The following TMTC2 variants were observed in gnomAD, a reference collection of about 807,000 sequenced individuals.
TMTC2 encodes the protein protein O-mannosyl-transferase TMTC2.
A neutral mutation model predicts 82.4 loss-of-function variants in TMTC2; 43 were observed. That is an observed-to-expected ratio of 0.52 (90% CI 0.41 to 0.67). The LOEUF (loss-of-function observed/expected upper bound fraction) is 0.67. Among genes scored for constraint, TMTC2 ranks in the 30% least tolerant of loss-of-function variants. The pLI, the probability that TMTC2 is intolerant of heterozygous loss-of-function variation, is 0.00. For synonymous variants in TMTC2, 408 were observed against 381.9 expected, an observed-to-expected ratio of 1.07 and a Z score of -0.80; for missense variants, 919 against 1,012.4, an observed-to-expected ratio of 0.91 and a Z score of 1.25.
chr12:82,698,523 G>A (rs1312877390), intron 1 of TMTC2, among the ~76,000 whole-genome samples: 1 of 152,144 alleles, frequency 6.6e-6, no homozygotes, highest in Non-Finnish European at 1.5e-5. Flanking sequence ...GTTGATCACT[G>A]TACATTAAGT....
At position 82,694,368 on chromosome 12, in the gene TMTC2, G is replaced by A. The variant is rs552547301; in HGVS notation, c.83+6699G>A. On this transcript the variant is annotated intron_variant, in intron 1 of 11. Transcript: ENST00000321196. ...TGGATTTAGATTCCATTTTATTGTG[G>A]AATTAAATGGAATTAAAGATATATT... 2.2e-4 allele frequency among the ~76,000 whole-genome samples: 34 copies of A among 152,230 alleles called. No individual in the cohort carries two copies. The South Asian group carries it at 3.3e-3, about 15-fold the overall frequency.
intron 1 of TMTC2, among the ~76,000 whole-genome samples, chr12:82,696,687 A>G (rs1872804771): frequency 6.6e-6 from 1 of 152,142 alleles, no homozygotes; most frequent in Non-Finnish European, 1.5e-5. Flanking sequence ...GTATGTCATC[A>G]GGATAAATAG....
At chr12:82,690,901 C>T (rs186645875) in intron 1 of TMTC2, among the ~76,000 whole-genome samples, 11 of 150,162 alleles carry the variant, frequency 7.3e-5, no homozygotes, top group Non-Finnish European at 1.2e-4. Context: ...TGCATTCTTA[C>T]GCATTTGTTG....
At chr12:82,997,221 C>CTCTCTCTCTCTATATA (rs1451262969) in intron 8 of TMTC2, among the ~76,000 whole-genome samples, 1 of 118,512 alleles carries the variant, frequency 8.4e-6, no homozygotes, top group African/African-American at 3.7e-5. Flanking sequence ...CTCTCTCTCT[C>CTCTCTCTCTCTATATA]TATATATATA....
At chr12:83,034,476 T>C (rs1306470281) in intron 9 of TMTC2, among the ~76,000 whole-genome samples, 1 of 152,118 alleles carries the variant, frequency 6.6e-6, no homozygotes, top group African/African-American at 2.4e-5. Context: ...GAGACTGAGA[T>C]AAGGAGTTTT....
intron 4 of TMTC2, among the ~76,000 whole-genome samples, chr12:82,962,126 T>A (rs1877967935): frequency 6.6e-6 from 1 of 152,056 alleles, no homozygotes; most frequent in Non-Finnish European, 1.5e-5. Flanking sequence ...GTGGTTATTA[T>A]ACTATTTATC....
chr12:82,971,554 A>G (rs1348203483), intron 7 of TMTC2, among the ~76,000 whole-genome samples: 2 of 152,124 alleles, frequency 1.3e-5, no homozygotes, highest in East Asian at 1.9e-4. Context: ...GCAGTGTCCA[A>G]TTATTTTTAT....
chr12:82,723,333 C>T (rs992865157), intron 1 of TMTC2, among the ~76,000 whole-genome samples: 4 of 152,146 alleles, frequency 2.6e-5, no homozygotes, highest in Admixed American at 6.5e-5. Context: ...GAGCTCCAAC[C>T]GCAGCTTTCT....
chr12:82,735,400 C>T (rs1267322352), intron 1 of TMTC2, among the ~76,000 whole-genome samples: 4 of 150,362 alleles, frequency 2.7e-5, no homozygotes, highest in East Asian at 2.0e-4. Flanking sequence ...GGCTGGAGTG[C>T]AGTGGCGCGA....
chr12:82,740,446 G>A (rs1370298218), intron 1 of TMTC2, among the ~76,000 whole-genome samples: 1 of 152,278 alleles, frequency 6.6e-6, no homozygotes, highest in South Asian at 2.1e-4. Flanking sequence ...ACTGGCTCCT[G>A]ACATGGACTC....
chr12:83,109,680 C>T (rs1884534905), intron 11 of TMTC2, among the ~76,000 whole-genome samples: 2 of 152,160 alleles, frequency 1.3e-5, no homozygotes, highest in African/African-American at 4.8e-5. Context: ...ATGACTCACA[C>T]CCCTTTTTAG....
At chr12:82,739,573 G>A (rs1483465476) in intron 1 of TMTC2, among the ~76,000 whole-genome samples, 2 of 151,926 alleles carry the variant, frequency 1.3e-5, no homozygotes, top group African/African-American at 4.8e-5. Context: ...ATATATTTAT[G>A]TAGATTGATG....
chr12:82,944,068 G>A (rs1876861556), intron 4 of TMTC2, among the ~76,000 whole-genome samples: 1 of 152,134 alleles, frequency 6.6e-6, no homozygotes, highest in Admixed American at 6.6e-5. Flanking sequence ...TTTCAGTGTT[G>A]GCTAAGTTTG....
intron 1 of TMTC2, among the ~76,000 whole-genome samples, chr12:82,800,714 C>T (rs2137035351): frequency 6.6e-6 from 1 of 151,700 alleles, no homozygotes; most frequent in Non-Finnish European, 1.5e-5. Context: ...CAAATGACAC[C>T]TCCACACTTT....
In TMTC2 at chr12:82,748,534, C is replaced by G. The variant is rs552367072; in HGVS notation, c.83+60865C>G. On this transcript the variant is annotated intron_variant, in intron 1 of 11. Transcript: ENST00000321196. ...GAGACTAATAGTATTAACTTTATACCTGTCACATAAGAGGTACTCCCTAAG... is the reference window on the plus strand; with the variant it reads ...GAGACTAATAGTATTAACTTTATACGTGTCACATAAGAGGTACTCCCTAAG... Among the ~76,000 whole-genome samples, 6 of 152,038 alleles carry G rather than the reference C, an allele frequency of 3.9e-5. No individual in the cohort carries two copies. The South Asian group carries it at 1.0e-3, about 26-fold the overall frequency.
intron 1 of TMTC2, among the ~76,000 whole-genome samples, chr12:82,691,257 T>C (rs527972008): frequency 1.3e-5 from 2 of 152,340 alleles, no homozygotes; most frequent in South Asian, 4.1e-4. Context: ...ATTGCCCATT[T>C]TGCATTTGTT....
intron 2 of TMTC2, among the ~76,000 whole-genome samples, chr12:82,889,743 T>G (rs1177471445): frequency 6.6e-6 from 1 of 152,206 alleles, no homozygotes; most frequent in East Asian, 1.9e-4. Context: ...TTTGGTTCAC[T>G]GCTACATAAT....
intron 1 of TMTC2, among the ~76,000 whole-genome samples, chr12:82,734,078 G>GATC (rs1874967220): frequency 1.3e-5 from 2 of 152,234 alleles, no homozygotes; most frequent in South Asian, 4.1e-4. Flanking sequence ...GCCTTGGGCA[G>GATC]ATCACATCAG....
chr12:82,945,711 A>G (rs901150060), intron 4 of TMTC2, among the ~76,000 whole-genome samples: 2 of 152,330 alleles, frequency 1.3e-5, no homozygotes, highest in South Asian at 4.1e-4. Flanking sequence ...TTATTTGTGT[A>G]GTTCCAATCA....
Sources: gnomAD v4.1 joint callset for allele counts (sites outside exome capture counted in the v4.1 genomes callset) on GRCh38, gnomAD v4.1.1 for gene constraint, MANE v1.5 for transcripts, NCBI Gene and HGNC (gene_info 2026-07-23, HGNC 2026-07-21) for gene names.